The following ZFHX3 variants were observed in gnomAD, a reference collection of about 807,000 sequenced individuals.
ZFHX3 encodes zinc finger homeobox protein 3.
Under a neutral mutation model 279.1 loss-of-function variants are expected in ZFHX3, and 42 were observed. The ratio of observed to expected loss-of-function variants is 0.15; its 90% CI spans 0.12 to 0.19. The LOEUF is 0.19. ZFHX3 is among the 10% of genes least tolerant of loss of function. The pLI is 1.00. For missense variants in ZFHX3, 4,981 were observed against 4,754.0 expected (o/e 1.05, Z -1.40); for synonymous variants, 2,293 against 1,957.8 (o/e 1.17, Z -4.52).
At chr16:73,330,271 G>A (rs1303427521) in intron 3 of ZFHX3, among the ~76,000 whole-genome samples, 1 of 152,140 alleles carries the variant, frequency 6.6e-6, no homozygotes, top group Non-Finnish European at 1.5e-5. Flanking sequence ...AGGAAAGTAG[G>A]AGTGGCAAAT....
At chr16:73,173,579 T>C (rs1416554030) in intron 5 of ZFHX3, among the ~76,000 whole-genome samples, 1 of 152,138 alleles carries the variant, frequency 6.6e-6, no homozygotes, top group Non-Finnish European at 1.5e-5. Context: ...CTAACAATGC[T>C]CTGCTCTCTT....
chr16:73,579,571 G>C (rs1351326124), intron 2 of ZFHX3, among the ~76,000 whole-genome samples: 1 of 148,844 alleles, frequency 6.7e-6, no homozygotes, highest in Non-Finnish European at 1.5e-5. Flanking sequence ...GCGTGATCTT[G>C]GCTCACTGCA....
At position 72,793,846 on chromosome 16, in the gene ZFHX3, G is replaced by C. The variant is rs748121817; in HGVS notation, c.8836C>G (p.Gln2946Glu). The change falls in exon 9 of 10, where the codon CAG becomes GAG. Residue 2946 changes from glutamine (Q) to glutamate (E), a missense_variant. Transcript: ENST00000268489. The surrounding 1 kb of genome is among the most constrained non-coding windows in gnomAD (Gnocchi z 4.3). ...KSGDSGDRPG[Q>E]KRFRTQMTNL... ...GTCATTTGAGTGCGAAAACGTTTCT[G>C]CCCAGGCCGATCTCCGCTGTCACCA... is the stretch of plus-strand genomic sequence containing the variant. 6.2e-7 allele frequency: 1 copy of C among 1,614,124 alleles called. No individual in the cohort carries two copies. Among genetic ancestry groups the C allele is most frequent in the East Asian group, 2.2e-5 (1 of 44,870 alleles).
At chr16:73,417,512 A>G (rs1299766268) in intron 3 of ZFHX3, among the ~76,000 whole-genome samples, 4 of 148,188 alleles carry the variant, frequency 2.7e-5, no homozygotes, top group African/African-American at 1.0e-4. Context: ...GATTCCAAGT[A>G]TGCACCACCA....
chr16:73,051,493 G>T (rs183188585), upstream of ZFHX3, among the ~76,000 whole-genome samples: 21 of 152,268 alleles, frequency 1.4e-4, no homozygotes, highest in Admixed American at 5.2e-4. Flanking sequence ...CAGATGTTTT[G>T]ATTCACATTT....
chr16:73,866,833 G>A (rs917945382), intron 1 of ZFHX3, among the ~76,000 whole-genome samples: 131 of 152,268 alleles, frequency 8.6e-4, no homozygotes, highest in African/African-American at 2.0e-3. Flanking sequence ...TGACAGCTAC[G>A]GGCATCTAGT....
In ZFHX3 at chr16:72,958,255, C is replaced by T; in HGVS notation, c.1891G>A (p.Val631Ile). The change falls in exon 2 of 10, where the codon GTT becomes ATT. Residue 631 changes from valine (V) to isoleucine (I), a missense_variant. Transcript: ENST00000268489. ...CCACTCCCCGAGGGGCACTCCCCAA[C>T]CCCAAGCTCGCAGAGGGAGCCAGCG... The part of the protein sequence containing the change: ...QHAGSLCELG[V>I]GECPSGSGVE... 2 of 1,613,918 alleles carry T rather than the reference C, an allele frequency of 1.2e-6. No individual in the cohort carries two copies. Among genetic ancestry groups the T allele is most frequent in the East Asian group, 2.2e-5 (1 of 44,852 alleles).
At chr16:73,354,953 G>C (rs1476979914) in intron 3 of ZFHX3, among the ~76,000 whole-genome samples, 1 of 152,126 alleles carries the variant, frequency 6.6e-6, no homozygotes, top group Non-Finnish European at 1.5e-5. Context: ...GGATTGATTG[G>C]CCTTTGATCA....
At chr16:72,932,269 T>C (rs1018995093) in intron 3 of ZFHX3, among the ~76,000 whole-genome samples, 7 of 152,132 alleles carry the variant, frequency 4.6e-5, no homozygotes, top group Admixed American at 3.3e-4. Flanking sequence ...TGGGACAATA[T>C]GATAAAATTA....
At chr16:73,325,173 T>C (rs1304509536) in intron 3 of ZFHX3, among the ~76,000 whole-genome samples, 5 of 152,122 alleles carry the variant, frequency 3.3e-5, no homozygotes, top group African/African-American at 4.8e-5. Flanking sequence ...GGTAGCTCAG[T>C]CCAGGATGGT....
rs115707852 is a variant in ZFHX3 at position 73,230,536 on chromosome 16, G to C, written c.-1104+26511C>G. Among the ~76,000 whole-genome samples, 602 of 152,298 alleles carry C rather than the reference G, an allele frequency of 4.0e-3. 5 individuals carry two copies. Among genetic ancestry groups the C allele is most frequent in the African/African-American group, 0.014 (586 of 41,566 alleles). Reference sequence around the variant, plus strand: ...GCCTCTTTAGAACACCATGCAAATGGAGGAGAAAAGTGACTTCACTGGGCA... The same window carrying C: ...GCCTCTTTAGAACACCATGCAAATGCAGGAGAAAAGTGACTTCACTGGGCA... On this transcript the variant is annotated intron_variant, in intron 5 of 17. Coordinates refer to the ZFHX3 transcript ENST00000641206.
Position 72,788,619 on chromosome 16 carries a change from TGGCGGCTG to T in ZFHX3, c.9649_9656del (p.Gln3217ThrfsTer19). 6.2e-7 allele frequency: 1 copy of T among 1,613,230 alleles called. No homozygotes were observed. On this transcript the variant is annotated frameshift_variant, in exon 10 of 10. Transcript: ENST00000268489. LOFTEE classifies it high-confidence loss of function. ...GTTGCAGTGGGAGCTGTGGTGTGGG[TGGCGGCTG>T]GGCTGCTGGCGGCGGGGGAGGCTGC... is the stretch of plus-strand genomic sequence containing the variant.
At chr16:73,498,329 T>C (rs1275378263) in intron 2 of ZFHX3, among the ~76,000 whole-genome samples, 5 of 152,234 alleles carry the variant, frequency 3.3e-5, no homozygotes, top group Admixed American at 2.0e-4. Flanking sequence ...GGGAGCTTTC[T>C]GGAATGACGG....
chr16:73,272,458 T>G (rs1254047559), intron 4 of ZFHX3, among the ~76,000 whole-genome samples: 1 of 152,182 alleles, frequency 6.6e-6, no homozygotes, highest in Non-Finnish European at 1.5e-5. Flanking sequence ...GACGCAAACT[T>G]GTTGCCAATA....
intron 3 of ZFHX3, among the ~76,000 whole-genome samples, chr16:72,902,931 C>T (rs1199242557): frequency 6.6e-6 from 1 of 152,170 alleles, no homozygotes; most frequent in Admixed American, 6.5e-5. Context: ...AGGCTGATGT[C>T]CAAGTTTCTG....
chr16:73,673,694 C>T (rs2052925987), intron 2 of ZFHX3, among the ~76,000 whole-genome samples: 1 of 152,150 alleles, frequency 6.6e-6, no homozygotes, highest in Non-Finnish European at 1.5e-5. Context: ...TGGCATTTGC[C>T]TGGAAAAGAG....
At chr16:72,885,255 A>C (rs891299018) in intron 4 of ZFHX3, among the ~76,000 whole-genome samples, 1 of 152,268 alleles carries the variant, frequency 6.6e-6, no homozygotes, top group Non-Finnish European at 1.5e-5. Flanking sequence ...CAGAAGCCTA[A>C]CTATTAGCAC....
At chr16:73,358,566 A>G (rs1470598500) in intron 3 of ZFHX3, among the ~76,000 whole-genome samples, 1 of 152,230 alleles carries the variant, frequency 6.6e-6, no homozygotes, top group Non-Finnish European at 1.5e-5. Context: ...CTGTGCCCAG[A>G]TTCCTGCCCT....
At chr16:73,426,520 T>C (rs1597331185) in intron 3 of ZFHX3, among the ~76,000 whole-genome samples, 1 of 152,268 alleles carries the variant, frequency 6.6e-6, no homozygotes, top group East Asian at 1.9e-4. Context: ...AGAGTTTGAA[T>C]GCAGTTCTGT....
Sources: gnomAD v4.1 joint callset for allele counts (sites outside exome capture counted in the v4.1 genomes callset) on GRCh38, gnomAD v4.1.1 for gene constraint, Gnocchi (gnomAD v3.1) non-coding constraint, MANE v1.5 for transcripts, NCBI Gene and HGNC (gene_info 2026-07-23, HGNC 2026-07-21) for gene names.